Variants in FGGY observed in about 807,000 individuals in gnomAD.
The protein encoded by FGGY is FGGY carbohydrate kinase domain containing.
FGGY carries 72 observed loss-of-function variants against 71.3 expected under a neutral mutation model. That is an observed-to-expected ratio of 1.01 (90% CI 0.84 to 1.23). The LOEUF is 1.23. Among genes scored for constraint, FGGY ranks in the 50% most tolerant of loss-of-function variants. The pLI is 0.00. For missense variants in FGGY, 668 were observed against 682.3 expected (o/e 0.98, Z 0.23); for synonymous variants, 251 against 250.3 (o/e 1.00, Z -0.02).
At chr1:59,684,993 TA>T (rs1312196242) in intron 14 of FGGY, among the ~76,000 whole-genome samples, 1 of 152,198 alleles carries the variant, frequency 6.6e-6, no homozygotes, top group African/African-American at 2.4e-5. Flanking sequence ...GCCACTCTAT[TA>T]AGCAAGAAAT....
intron 1 of FGGY, among the ~76,000 whole-genome samples, chr1:59,320,480 T>C (rs2046198753): frequency 6.6e-6 from 1 of 152,310 alleles, no homozygotes. Context: ...TGTTGGGGGC[T>C]TGTTCTTATT....
At chr1:59,629,094 A>G (rs2096884859) in intron 10 of FGGY, among the ~76,000 whole-genome samples, 1 of 152,186 alleles carries the variant, frequency 6.6e-6, no homozygotes, top group Non-Finnish European at 1.5e-5. Context: ...GAGGGATAGC[A>G]TTAGGAGAAA....
At chr1:59,409,406 C>A (rs1406456546) in intron 5 of FGGY, among the ~76,000 whole-genome samples, 1 of 152,050 alleles carries the variant, frequency 6.6e-6, no homozygotes, top group African/African-American at 2.4e-5. Flanking sequence ...AGACCTTCAG[C>A]CTTGAATGTT....
chr1:59,593,515 A>G (rs79673993), intron 8 of FGGY, among the ~76,000 whole-genome samples: 4,225 of 152,272 alleles, frequency 0.028, 192 homozygotes, highest in African/African-American at 0.097. Flanking sequence ...AAAGATACCT[A>G]TCTCACCGGC....
intron 3 of FGGY, among the ~76,000 whole-genome samples, chr1:59,340,803 C>G (rs533985405): frequency 6.6e-6 from 1 of 152,124 alleles, no homozygotes; most frequent in Admixed American, 6.5e-5. Context: ...GAGTAATAGG[C>G]CAGGTTTGAG....
At chr1:59,409,566 C>A (rs1488179942) in intron 5 of FGGY, among the ~76,000 whole-genome samples, 2 of 149,680 alleles carry the variant, frequency 1.3e-5, no homozygotes, top group Non-Finnish European at 2.9e-5. Context: ...CCTCAACTAA[C>A]CCTTATTGCA....
At chr1:59,338,296 C>T (rs1156635016) in intron 2 of FGGY, among the ~76,000 whole-genome samples, 4 of 151,976 alleles carry the variant, frequency 2.6e-5, no homozygotes, top group South Asian at 4.2e-4. Context: ...TCTGTAGTGT[C>T]CTTTTCTTAT....
chr1:59,423,207 C>T (rs1003548018), intron 5 of FGGY, among the ~76,000 whole-genome samples: 6 of 152,204 alleles, frequency 3.9e-5, no homozygotes, highest in Admixed American at 1.3e-4. Flanking sequence ...AAAGGTCCCA[C>T]CGAAAGCCTT....
At chr1:59,502,872 T>C (rs1284638005) in intron 6 of FGGY, among the ~76,000 whole-genome samples, 2 of 152,208 alleles carry the variant, frequency 1.3e-5, no homozygotes, top group Non-Finnish European at 2.9e-5. Context: ...AGAGAAGGAA[T>C]CAGAGGAGAG....
At chr1:59,322,958 A>G (rs1046369849) in intron 2 of FGGY, among the ~76,000 whole-genome samples, 2 of 152,114 alleles carry the variant, frequency 1.3e-5, no homozygotes, top group Non-Finnish European at 2.9e-5. Flanking sequence ...CCTATTGATC[A>G]GTCTGTTTAA....
intron 6 of FGGY, among the ~76,000 whole-genome samples, chr1:59,460,788 C>T (rs1185550871): frequency 1.3e-5 from 2 of 152,202 alleles, no homozygotes; most frequent in East Asian, 3.9e-4. Context: ...GGCAAACTGT[C>T]TGGAGTGGAC....
chr1:59,540,285 T>G (rs2095419680), intron 7 of FGGY, among the ~76,000 whole-genome samples: 2 of 152,184 alleles, frequency 1.3e-5, no homozygotes, highest in East Asian at 1.9e-4. Flanking sequence ...ACGTATATAG[T>G]AATACATGTA....
At chr1:59,587,870 A>G (rs2096339562) in intron 8 of FGGY, among the ~76,000 whole-genome samples, 2 of 152,328 alleles carry the variant, frequency 1.3e-5, no homozygotes, top group South Asian at 2.1e-4. Flanking sequence ...AAAAACTGGA[A>G]ACTCTAAAAA....
In FGGY at chr1:59,616,606, A is replaced by G. The variant is rs1038830412; in HGVS notation, c.1011+8696A>G. On this transcript the variant is annotated intron_variant, in intron 9 of 15. Coordinates refer to ENST00000303721, the MANE Select transcript of FGGY (RefSeq NM_018291.5). Reference sequence around the variant, plus strand: ...TGTAACAAACCTGCAGGTTGTGCACATGTACCCTAAAACTTAAAGTATAAT... The same window carrying G: ...TGTAACAAACCTGCAGGTTGTGCACGTGTACCCTAAAACTTAAAGTATAAT... Among the ~76,000 whole-genome samples the G allele has an allele frequency of 7.2e-5, 11 of 152,154 alleles. No individual in the cohort carries two copies. The South Asian group carries it at 1.2e-3, about 17-fold the overall frequency.
rs551088662 is a variant in FGGY at position 59,541,055 on chromosome 1, GTC to G, written c.800-13067_800-13066del. Among the ~76,000 whole-genome samples the G allele has an allele frequency of 2.0e-3, 311 of 152,138 alleles. 2 individuals carry two copies. Among genetic ancestry groups the G allele is most frequent in the African/African-American group, 7.2e-3 (299 of 41,518 alleles). On this transcript the variant is annotated intron_variant, in intron 7 of 15. Coordinates refer to ENST00000303721, the MANE Select transcript of FGGY (RefSeq NM_018291.5). ...TGGTGGCAAGTAGGCTTTTTTATTT[GTC>G]TGTTTGTTTGTTTGTTTTTTGATGT...
At chr1:59,361,782 C>T (rs116469806) in intron 4 of FGGY, among the ~76,000 whole-genome samples, 2 of 152,184 alleles carry the variant, frequency 1.3e-5, no homozygotes, top group Admixed American at 1.3e-4. Flanking sequence ...GCTTTGAGCA[C>T]TCACGTCCTC....
At chr1:59,716,692 T>A (rs562161586) in intron 14 of FGGY, among the ~76,000 whole-genome samples, 1 of 152,174 alleles carries the variant, frequency 6.6e-6, no homozygotes, top group Non-Finnish European at 1.5e-5. Flanking sequence ...TAAGTGAGTG[T>A]GAATTCAGAG....
rs1553185795 is a variant in FGGY, at chr1:59,409,598, T to TA, written c.554+30761_554+30762insA. Among the ~76,000 whole-genome samples the TA allele has an allele frequency of 6.6e-3, 699 of 105,718 alleles. 3 individuals carry two copies. Among genetic ancestry groups the TA allele is most frequent in the Admixed American group, 9.7e-3 (97 of 9,994 alleles). The allele number at this position is 105,718 out of a possible 152,430, so 69.4% of individuals were successfully genotyped here. ...TGCAAGCCTGTGAAGGAAGAGTTTT[T>TA]TATATATATATATATATATATATAT... On this transcript the variant is annotated intron_variant, in intron 5 of 15. Transcript: ENST00000303721.
intron 10 of FGGY, among the ~76,000 whole-genome samples, chr1:59,632,588 G>GA (rs2096918224): frequency 6.6e-6 from 1 of 151,918 alleles, no homozygotes; most frequent in Non-Finnish European, 1.5e-5. Flanking sequence ...CAAAGAAAGG[G>GA]AAAAAAAGGA....
Sources: gnomAD v4.1 joint callset for allele counts (sites outside exome capture counted in the v4.1 genomes callset) on GRCh38, gnomAD v4.1.1 for gene constraint, MANE v1.5 for transcripts, NCBI Gene and HGNC (gene_info 2026-07-23, HGNC 2026-07-21) for gene names.